Variants in ADIPOR2 observed in about 807,000 individuals in gnomAD.
ADIPOR2 encodes the protein adiponectin receptor protein 2.
ADIPOR2 carries 18 observed loss-of-function variants against 40.9 expected under a neutral mutation model. That is an observed-to-expected ratio of 0.44 (90% CI 0.30 to 0.65). ADIPOR2 has a LOEUF of 0.65. Ranked by LOEUF, ADIPOR2 falls within the 30% of genes least tolerant of loss-of-function variation. ADIPOR2 has a pLI of 0.09. For synonymous variants in ADIPOR2, 165 were observed against 166.4 expected (o/e 0.99, Z 0.06); for missense variants, 283 against 479.2 (o/e 0.59, Z 3.82).
chr12:1,695,699 CA>C (rs2154441144), intron 1 of ADIPOR2: 1 of 149,590 alleles, frequency 6.7e-6, no homozygotes, highest in East Asian at 2.0e-4. Flanking sequence ...ACCCGTCATT[CA>C]GCAGTCATTC....
At chr12:1,717,270 C>G (rs919044429) in intron 1 of ADIPOR2, among the ~76,000 whole-genome samples, 1 of 152,132 alleles carries the variant, frequency 6.6e-6, no homozygotes, top group African/African-American at 2.4e-5. Flanking sequence ...TTAAAATTTT[C>G]TGAGTCACTT....
At chr12:1,719,378 G>T (rs1433548748) in intron 1 of ADIPOR2, among the ~76,000 whole-genome samples, 1 of 152,154 alleles carries the variant, frequency 6.6e-6, no homozygotes, top group Non-Finnish European at 1.5e-5. Flanking sequence ...GCATTTATTT[G>T]AGAACAGTTT....
chr12:1,730,473 T>C (rs7954991), intron 1 of ADIPOR2, among the ~76,000 whole-genome samples: 121,670 of 151,366 alleles, frequency 0.8, 49,793 homozygotes, highest in East Asian at 0.9. Context: ...AAAAATTAGC[T>C]GGGCGCGGTG....
intron 2 of ADIPOR2, chr12:1,757,492 C>T (rs1862159071): frequency 9.4e-6 from 7 of 745,794 alleles, no homozygotes; most frequent in South Asian, 3.0e-5. Flanking sequence ...CATAGGTTAC[C>T]ATTGTCAAAC....
intron 1 of ADIPOR2, among the ~76,000 whole-genome samples, chr12:1,729,437 A>G (rs2094714973): frequency 6.6e-6 from 1 of 151,650 alleles, no homozygotes; most frequent in Non-Finnish European, 1.5e-5. Context: ...TTATATTATC[A>G]TAAAGCTTTT....
intron 1 of ADIPOR2, among the ~76,000 whole-genome samples, chr12:1,748,440 G>C (rs1433365724): frequency 1.3e-5 from 2 of 151,928 alleles, no homozygotes; most frequent in African/African-American, 4.8e-5. Flanking sequence ...ATTAGAGATG[G>C]GGTTTCACCG....
chr12:1,775,072 G>A (rs1041239223), intron 3 of ADIPOR2, among the ~76,000 whole-genome samples: 1 of 150,334 alleles, frequency 6.7e-6, no homozygotes, highest in Non-Finnish European at 1.5e-5. Flanking sequence ...TCCTGACCTC[G>A]TGATCTGCCC....
At position 1,722,387 on chromosome 12, in the gene ADIPOR2, A is replaced by G. The variant is rs139781810; in HGVS notation, c.-87+31196A>G. Among the ~76,000 whole-genome samples, 23 of 152,290 alleles carry G rather than the reference A, an allele frequency of 1.5e-4. No homozygotes were observed. The East Asian group carries it at 3.5e-3, about 23-fold the overall frequency. The stretch of plus-strand genomic sequence containing the variant: ...AGTTTGAGGTGCCAATTAGACATCT[A>G]TGTAGAGATTTCATACTTGGTGGTA... On this transcript the variant is annotated intron_variant, in intron 1 of 7. Transcript: ENST00000357103.
At chr12:1,712,604 G>C (rs2094679781) in intron 1 of ADIPOR2, among the ~76,000 whole-genome samples, 1 of 152,096 alleles carries the variant, frequency 6.6e-6, no homozygotes, top group African/African-American at 2.4e-5. Flanking sequence ...CTTAAGGCTG[G>C]AGCTTGTACT....
intron 1 of ADIPOR2, among the ~76,000 whole-genome samples, chr12:1,741,202 A>G (rs552166585): frequency 2.0e-5 from 3 of 152,280 alleles, no homozygotes; most frequent in East Asian, 3.9e-4. Flanking sequence ...CAGGGGAGTG[A>G]CATGATTTTT....
At position 1,759,009 on chromosome 12, in the gene ADIPOR2, C is replaced by G. The variant is rs116774176; in HGVS notation, c.171+4495C>G. 6.1e-3 allele frequency among the ~76,000 whole-genome samples: 933 copies of G among 152,260 alleles called. 10 individuals are homozygous for G. Among genetic ancestry groups the G allele is most frequent in the African/African-American group, 0.021 (886 of 41,542 alleles). ...TAAGTCTTCTGACTGCTCTTTCTGC[C>G]GAACAAAGCTGCCTTTATGAGAATT... On this transcript the variant is annotated intron_variant, in intron 2 of 7. Transcript: ENST00000357103.
chr12:1,745,320 C>G (rs1025222507), intron 1 of ADIPOR2, among the ~76,000 whole-genome samples: 2 of 152,098 alleles, frequency 1.3e-5, no homozygotes, highest in Admixed American at 1.3e-4. Context: ...TCCACATGCT[C>G]TTGTTGCCAC....
intron 1 of ADIPOR2, among the ~76,000 whole-genome samples, chr12:1,750,934 C>A (rs1017737224): frequency 6.6e-6 from 1 of 151,468 alleles, no homozygotes; most frequent in African/African-American, 2.4e-5. Flanking sequence ...TTTTTTCCCT[C>A]ATTTAATTAT....
chr12:1,705,886 A>T (rs988476397), intron 1 of ADIPOR2, among the ~76,000 whole-genome samples: 4 of 152,202 alleles, frequency 2.6e-5, no homozygotes, highest in African/African-American at 9.6e-5. Context: ...AAAGATTTGA[A>T]TTCAGGGTCT....
intron 1 of ADIPOR2, among the ~76,000 whole-genome samples, chr12:1,730,544 G>A (rs1281083793): frequency 1.3e-5 from 2 of 151,262 alleles, no homozygotes; most frequent in Non-Finnish European, 2.9e-5. Flanking sequence ...GTGAACCCAG[G>A]AGGCGGAGCT....
chr12:1,783,145 C>A (rs1006584208), intron 6 of ADIPOR2, among the ~76,000 whole-genome samples: 13 of 150,966 alleles, frequency 8.6e-5, no homozygotes, highest in African/African-American at 2.9e-4. Flanking sequence ...GCCTTAGATT[C>A]CTATTAAAAA....
chr12:1,749,838 T>C (rs1018670273), intron 1 of ADIPOR2, among the ~76,000 whole-genome samples: 154 of 149,804 alleles, frequency 1.0e-3, no homozygotes, highest in Non-Finnish European at 1.6e-3. Flanking sequence ...TTTAGTTTTT[T>C]TTTTTTTTTT....
At chr12:1,743,245 A>AAAC (rs1432181318) in intron 1 of ADIPOR2, among the ~76,000 whole-genome samples, 1 of 135,546 alleles carries the variant, frequency 7.4e-6, no homozygotes, top group African/African-American at 2.5e-5. Flanking sequence ...AAAAAAAAAA[A>AAAC]ACAAAGCAGT....
At chr12:1,706,145 A>G (rs1030395793) in intron 1 of ADIPOR2, among the ~76,000 whole-genome samples, 1 of 152,110 alleles carries the variant, frequency 6.6e-6, no homozygotes, top group Non-Finnish European at 1.5e-5. Context: ...ATAATAGGCC[A>G]TTTGTTGCTT....
Sources: gnomAD v4.1 joint callset for allele counts (sites outside exome capture counted in the v4.1 genomes callset) on GRCh38, gnomAD v4.1.1 for gene constraint, MANE v1.5 for transcripts, NCBI Gene and HGNC (gene_info 2026-07-23, HGNC 2026-07-21) for gene names.